CDH18: variants seen among roughly 807,000 people sequenced by gnomAD.
CDH18 encodes the protein cadherin 18, also known as cadherin-18.
A neutral mutation model predicts 67.9 loss-of-function variants in CDH18; 31 were observed. The observed-to-expected ratio is 0.46, with a 90% confidence interval of 0.34 to 0.62. The LOEUF is 0.62. Among genes scored for constraint, CDH18 ranks in the 20% least tolerant of loss-of-function variants. The pLI, the probability that CDH18 is intolerant of heterozygous loss-of-function variation, is 0.01. For synonymous variants in CDH18, 362 were observed against 347.2 expected (o/e 1.04, Z -0.48); for missense variants, 890 against 975.5 (o/e 0.91, Z 1.17).
Position 19,549,444 on chromosome 5 carries a change from A to G in CDH18, c.1254-5439T>C, listed in dbSNP as rs2127127602. Among the ~76,000 whole-genome samples the G allele has an allele frequency of 2.0e-5, 3 of 152,214 alleles. No individual in the cohort carries two copies. In the South Asian group the frequency reaches 6.2e-4, roughly 32 times the overall value. On this transcript the variant is annotated intron_variant, in intron 8 of 12. Transcript: ENST00000382275. ...AGCCAATTAACCTCTTTTCTTTATA[A>G]ATGACCCAGCTTCAGGTATTTTTAT...
Position 19,528,173 on chromosome 5 carries a change from T to G in CDH18, c.1391-7395A>C, listed in dbSNP as rs542442459. On this transcript the variant is annotated intron_variant, in intron 9 of 12. Transcript: ENST00000382275. Reference sequence around the variant, plus strand: ...AATATAACATTTATTTTCTACTTTTTGTAATAATTCAGTTTTAACATGTTT... The same window carrying G: ...AATATAACATTTATTTTCTACTTTTGGTAATAATTCAGTTTTAACATGTTT... 2.2e-4 allele frequency among the ~76,000 whole-genome samples: 34 copies of G among 151,964 alleles called. No homozygotes were observed. In the South Asian group the frequency reaches 7.0e-3, roughly 31 times the overall value.
chr5:20,562,343 T>A (rs995617835), intron 1 of CDH18, among the ~76,000 whole-genome samples: 2 of 151,818 alleles, frequency 1.3e-5, no homozygotes, highest in Admixed American at 1.3e-4. Context: ...TGTTCAATAA[T>A]GCCTAAAGAA....
At chr5:20,506,586 T>A (rs1754675240) in intron 1 of CDH18, among the ~76,000 whole-genome samples, 2 of 152,162 alleles carry the variant, frequency 1.3e-5, no homozygotes, top group African/African-American at 4.8e-5. Context: ...GAGAATCCAG[T>A]GTCCTGGCTG....
chr5:19,671,964 T>A (rs1758810557), intron 5 of CDH18, among the ~76,000 whole-genome samples: 1 of 152,140 alleles, frequency 6.6e-6, no homozygotes. Flanking sequence ...TCCTAGGTAT[T>A]CACAGTCAAT....
chr5:20,388,048 C>T (rs1385561364), intron 1 of CDH18, among the ~76,000 whole-genome samples: 1 of 152,080 alleles, frequency 6.6e-6, no homozygotes, highest in African/African-American at 2.4e-5. Flanking sequence ...TGTGTCTCTG[C>T]CAGGCTTTGG....
chr5:20,192,262 A>G (rs2126721432), intron 2 of CDH18, among the ~76,000 whole-genome samples: 1 of 151,858 alleles, frequency 6.6e-6, no homozygotes, highest in Middle Eastern at 3.4e-3. Context: ...GATCTTTGTC[A>G]TATGGGTAGA....
chr5:20,088,548 T>C (rs1333494264), intron 2 of CDH18, among the ~76,000 whole-genome samples: 1 of 152,150 alleles, frequency 6.6e-6, no homozygotes, highest in Non-Finnish European at 1.5e-5. Flanking sequence ...CTTCTGTCCA[T>C]GAGGGAAGCC....
At chr5:19,738,443 A>G (rs1270167384) in intron 4 of CDH18, among the ~76,000 whole-genome samples, 1 of 152,142 alleles carries the variant, frequency 6.6e-6, no homozygotes, top group Non-Finnish European at 1.5e-5. Flanking sequence ...ACCTACACAA[A>G]ACCTGCCTCT....
At chr5:19,868,044 C>A (rs1011128695) in intron 2 of CDH18, among the ~76,000 whole-genome samples, 3 of 152,156 alleles carry the variant, frequency 2.0e-5, no homozygotes, top group Admixed American at 1.3e-4. Flanking sequence ...TCCCCCTCTG[C>A]CATGATTGTA....
intron 3 of CDH18, among the ~76,000 whole-genome samples, chr5:19,762,361 T>G (rs1772474439): frequency 6.6e-6 from 1 of 151,988 alleles, no homozygotes. Context: ...AGGGCTAATA[T>G]CCATAATCTA....
chr5:19,763,793 A>G (rs1423811102), intron 3 of CDH18, among the ~76,000 whole-genome samples: 1 of 152,006 alleles, frequency 6.6e-6, no homozygotes, highest in East Asian at 1.9e-4. Context: ...AATATTGAGA[A>G]AGTGCAACCA....
At chr5:20,258,539 G>T (rs938871177) in intron 1 of CDH18, among the ~76,000 whole-genome samples, 3 of 152,108 alleles carry the variant, frequency 2.0e-5, no homozygotes, top group African/African-American at 7.2e-5. Context: ...CCTTAAATAA[G>T]TATTTCTAAC....
intron 2 of CDH18, among the ~76,000 whole-genome samples, chr5:20,006,427 T>G (rs531888939): frequency 1.3e-5 from 2 of 152,072 alleles, no homozygotes; most frequent in Admixed American, 6.6e-5. Flanking sequence ...AGGAAAAACT[T>G]TTCTTCTCAT....
intron 3 of CDH18, among the ~76,000 whole-genome samples, chr5:19,838,044 T>A (rs966436717): frequency 6.6e-6 from 1 of 152,162 alleles, no homozygotes; most frequent in Non-Finnish European, 1.5e-5. Flanking sequence ...AGCCATTAAG[T>A]TTTCGTGTCT....
chr5:20,108,976 G>T (rs759570107), intron 2 of CDH18, among the ~76,000 whole-genome samples: 1 of 152,204 alleles, frequency 6.6e-6, no homozygotes, highest in Non-Finnish European at 1.5e-5. Context: ...TAGTTGCTTA[G>T]AATGGCACTA....
chr5:20,034,919 T>C (rs1055397851), intron 2 of CDH18, among the ~76,000 whole-genome samples: 5 of 152,098 alleles, frequency 3.3e-5, no homozygotes, highest in African/African-American at 1.2e-4. Flanking sequence ...ATTATTCACG[T>C]ACTCTTCCTT....
chr5:20,126,259 G>A (rs1044185230), intron 2 of CDH18, among the ~76,000 whole-genome samples: 1 of 152,150 alleles, frequency 6.6e-6, no homozygotes. Flanking sequence ...GCATATTGTG[G>A]TGTGAAAGAA....
intron 5 of CDH18, 145 bp from the exon 6 acceptor site, chr5:19,612,746 C>T (rs113143890): frequency 1.6e-6 from 1 of 639,138 alleles, no homozygotes; most frequent in African/African-American, 1.8e-5. Context: ...CAATATCTTA[C>T]CAATGCATGA....
intron 2 of CDH18, among the ~76,000 whole-genome samples, chr5:19,912,567 T>C (rs1168134551): frequency 6.6e-6 from 1 of 152,202 alleles, no homozygotes; most frequent in Non-Finnish European, 1.5e-5. Context: ...CCCATGAATG[T>C]TATTCCATTT....
Sources: gnomAD v4.1 joint callset for allele counts (sites outside exome capture counted in the v4.1 genomes callset) on GRCh38, gnomAD v4.1.1 for gene constraint, MANE v1.5 for transcripts, NCBI Gene and HGNC (gene_info 2026-07-23, HGNC 2026-07-21) for gene names.